RIT2: variants seen among roughly 807,000 people sequenced by gnomAD.
RIT2 encodes GTP-binding protein Rit2.
RIT2 carries 24 observed loss-of-function variants against 23.7 expected under a neutral mutation model. The observed-to-expected ratio is 1.01, with a 90% confidence interval of 0.73 to 1.43. The LOEUF is 1.43. RIT2 is among the 40% of genes most tolerant of loss of function. RIT2 has a pLI of 0.00. For missense variants in RIT2, 236 were observed against 266.9 expected (o/e 0.88, Z 0.81); for synonymous variants, 107 against 91.1 (o/e 1.17, Z -0.99).
intron 4 of RIT2, among the ~76,000 whole-genome samples, chr18:42,814,470 G>A (rs533934344): frequency 1.3e-5 from 2 of 152,184 alleles, no homozygotes; most frequent in South Asian, 4.2e-4. Context: ...CTGACAACCT[G>A]CATGACATAG....
At chr18:42,968,040 A>G (rs1378992084) in intron 3 of RIT2, among the ~76,000 whole-genome samples, 1 of 152,122 alleles carries the variant, frequency 6.6e-6, no homozygotes, top group Non-Finnish European at 1.5e-5. Flanking sequence ...ATAGTCTCCC[A>G]TGTCGTGAAA....
intron 2 of RIT2, among the ~76,000 whole-genome samples, chr18:42,991,621 T>A (rs996826535): frequency 4.9e-5 from 7 of 144,080 alleles, no homozygotes; most frequent in Admixed American, 4.9e-4. Flanking sequence ...AATGGCCTGT[T>A]CCTGCCTTAA....
At chr18:43,065,218 GTTTTT>G (rs58941113) in intron 1 of RIT2, among the ~76,000 whole-genome samples, 3 of 81,644 alleles carry the variant, frequency 3.7e-5, no homozygotes, top group Non-Finnish European at 7.2e-5. Flanking sequence ...ACTTTTTTGG[GTTTTT>G]TTTTTTTTTT....
At position 42,911,290 on chromosome 18, in the gene RIT2, A is replaced by C. The variant is rs144248372; in HGVS notation, c.426+12282T>G. Among the ~76,000 whole-genome samples the C allele has an allele frequency of 2.7e-3, 409 of 152,202 alleles. 1 individual carries two copies. Among genetic ancestry groups the C allele is most frequent in the African/African-American group, 9.1e-3 (379 of 41,578 alleles). ...ACATAAAGAAGAGCTAAATAAATTC[A>C]AAACAAGCTGAAGAAAGAAAATAAT... On this transcript the variant is annotated intron_variant, in intron 4 of 4. Coordinates refer to ENST00000326695, the MANE Select transcript of RIT2 (RefSeq NM_002930.4).
intron 2 of RIT2, among the ~76,000 whole-genome samples, chr18:43,004,746 C>T (rs559596188): frequency 1.3e-5 from 2 of 151,956 alleles, no homozygotes; most frequent in African/African-American, 4.8e-5. Context: ...TAATAATTGC[C>T]CTTTGCTACT....
At chr18:42,770,144 G>A (rs185498099) in intron 4 of RIT2, among the ~76,000 whole-genome samples, 26 of 152,126 alleles carry the variant, frequency 1.7e-4, no homozygotes, top group Middle Eastern at 3.4e-3. Context: ...GGAAGAATAC[G>A]GAATTGTCCT....
At chr18:43,102,317 T>C (rs955517270) in intron 1 of RIT2, among the ~76,000 whole-genome samples, 1 of 152,200 alleles carries the variant, frequency 6.6e-6, no homozygotes, top group Non-Finnish European at 1.5e-5. Flanking sequence ...CTTTGTTATG[T>C]TAGTAAACAT....
At chr18:43,088,582 T>G (rs1456847571) in intron 1 of RIT2, among the ~76,000 whole-genome samples, 1 of 152,204 alleles carries the variant, frequency 6.6e-6, no homozygotes, top group Non-Finnish European at 1.5e-5. Flanking sequence ...TTAAATCATT[T>G]CATGACTTTT....
chr18:43,102,644 A>G (rs995827700), intron 1 of RIT2, among the ~76,000 whole-genome samples: 3 of 150,946 alleles, frequency 2.0e-5, no homozygotes, highest in Non-Finnish European at 3.0e-5. Context: ...TTCAGCATTT[A>G]TTTATTTATT....
rs529608102 is a variant in RIT2 at position 42,806,294 on chromosome 18, C to T, written c.427-62574G>A. Among the ~76,000 whole-genome samples, 266 of 151,546 alleles carry T rather than the reference C, an allele frequency of 1.8e-3. 1 individual carries two copies. The highest frequency in any genetic ancestry group is 5.9e-3 in the African/African-American group (244 of 41,374). ...GACCAGCCTGACCAACATGGTAAAACCTCATCTCTACTAATAATAGAAAAA... is the reference window on the plus strand; with the variant it reads ...GACCAGCCTGACCAACATGGTAAAATCTCATCTCTACTAATAATAGAAAAA... On this transcript the variant is annotated intron_variant, in intron 4 of 4. Transcript: ENST00000326695.
intron 4 of RIT2, among the ~76,000 whole-genome samples, chr18:42,766,794 C>T (rs938926507): frequency 6.6e-6 from 1 of 152,138 alleles, no homozygotes; most frequent in African/African-American, 2.4e-5. Context: ...GTGTTGTGTG[C>T]CTACTAGGGA....
chr18:43,093,448 G>T (rs953754859), intron 1 of RIT2, among the ~76,000 whole-genome samples: 2 of 151,942 alleles, frequency 1.3e-5, no homozygotes, highest in African/African-American at 4.8e-5. Flanking sequence ...TTTTTAAAAT[G>T]TTTATTACTA....
intron 4 of RIT2, among the ~76,000 whole-genome samples, chr18:42,837,147 C>CTTTTTTTTT (rs1196949759): frequency 2.1e-5 from 1 of 48,718 alleles, no homozygotes; most frequent in Non-Finnish European, 4.7e-5. Flanking sequence ...CTTTTTTTTT[C>CTTTTTTTTT]TTTTTCTTTT....
At chr18:42,972,407 C>T (rs1044381250) in intron 3 of RIT2, among the ~76,000 whole-genome samples, 5 of 151,744 alleles carry the variant, frequency 3.3e-5, no homozygotes, top group African/African-American at 9.7e-5. Flanking sequence ...TGCTTGTACA[C>T]TATCAATATT....
At chr18:42,826,735 A>G (rs958186988) in intron 4 of RIT2, among the ~76,000 whole-genome samples, 4 of 152,152 alleles carry the variant, frequency 2.6e-5, no homozygotes, top group African/African-American at 9.6e-5. Flanking sequence ...TTTTTCAGAA[A>G]TATAATGTAA....
chr18:43,039,133 C>T (rs1243498341), intron 1 of RIT2, among the ~76,000 whole-genome samples: 1 of 152,122 alleles, frequency 6.6e-6, no homozygotes. Flanking sequence ...GACATTATCA[C>T]TGCTGTGAAA....
chr18:43,115,269 C>CA, intron 1 of RIT2, 148 bp downstream of exon 1: 2 of 945,072 alleles, frequency 2.1e-6, no homozygotes, highest in South Asian at 3.3e-5. Context: ...ACAGTCCTGA[C>CA]ACTTTGGAGC....
chr18:42,956,023 T>G (rs1909962798), intron 3 of RIT2, among the ~76,000 whole-genome samples: 1 of 152,148 alleles, frequency 6.6e-6, no homozygotes, highest in South Asian at 2.1e-4. Context: ...CTCGGGGTGC[T>G]TAAAAGTTAC....
intron 4 of RIT2, among the ~76,000 whole-genome samples, chr18:42,862,635 T>C (rs778265464): frequency 6.6e-5 from 10 of 152,192 alleles, no homozygotes; most frequent in Non-Finnish European, 1.3e-4. Flanking sequence ...TGTGAGTCCA[T>C]TAAAACTTGA....
Sources: allele counts gnomAD v4.1 joint callset (sites outside exome capture counted in the v4.1 genomes callset), GRCh38; gene constraint gnomAD v4.1.1; transcripts MANE v1.5; gene names NCBI Gene and HGNC (gene_info 2026-07-23, HGNC 2026-07-21).